The following EXOC6B variants were observed in gnomAD, a reference collection of about 807,000 sequenced individuals.
EXOC6B encodes the protein exocyst complex component 6B.
A neutral mutation model predicts 113.5 loss-of-function variants in EXOC6B; 54 were observed. That is an observed-to-expected ratio of 0.48 (90% CI 0.38 to 0.60). The LOEUF (loss-of-function observed/expected upper bound fraction) is 0.60. Ranked by LOEUF, EXOC6B falls within the 20% of genes least tolerant of loss-of-function variation. The probability of loss-of-function intolerance (pLI) is 0.00; values close to 1 mark genes in which losing one functional copy is unlikely to be tolerated. For synonymous variants in EXOC6B, 357 were observed against 339.0 expected, an observed-to-expected ratio of 1.05 and a Z score of -0.58; for missense variants, 797 against 977.5, an observed-to-expected ratio of 0.82 and a Z score of 2.46.
intron 18 of EXOC6B, among the ~76,000 whole-genome samples, chr2:72,418,927 A>T (rs1694699380): frequency 6.6e-6 from 1 of 151,814 alleles, no homozygotes; most frequent in Non-Finnish European, 1.5e-5. Flanking sequence ...TGATTAGTTA[A>T]TTTTTTTGTA....
chr2:72,280,439 TA>T (rs1685064488), intron 20 of EXOC6B, among the ~76,000 whole-genome samples: 1 of 152,170 alleles, frequency 6.6e-6, no homozygotes, highest in South Asian at 2.1e-4. Context: ...TATAAAAGTT[TA>T]AAATGTTAAC....
rs1677919107 is a variant in EXOC6B, at chr2:72,179,076, TACC to T, written c.*256_*258del. On this transcript the variant is annotated 3_prime_UTR_variant, in exon 22 of 22. Coordinates refer to ENST00000272427, the MANE Select transcript of EXOC6B (RefSeq NM_015189.3). Reference sequence around the variant, plus strand: ...TGGTTCATCACTGTGGAATTGATGATACCACCATCTCTAAGATAACACAGATAG... The same window carrying T: ...TGGTTCATCACTGTGGAATTGATGATACCATCTCTAAGATAACACAGATAG... 2.5e-6 allele frequency: 1 copy of T among 404,898 alleles called. No homozygotes were observed. Among genetic ancestry groups the T allele is most frequent in the Non-Finnish European group, 4.3e-6 (1 of 230,242 alleles). 25.1% of individuals were successfully genotyped at this position (404,898 alleles called of 1,614,324 possible).
intron 16 of EXOC6B, among the ~76,000 whole-genome samples, chr2:72,484,178 T>G (rs536181514): frequency 6.6e-6 from 1 of 150,930 alleles, no homozygotes; most frequent in African/African-American, 2.4e-5. Context: ...TAAGTTCCAG[T>G]ATACATGTGC....
chr2:72,498,838 C>A (rs1413704148), intron 12 of EXOC6B, among the ~76,000 whole-genome samples: 3 of 152,068 alleles, frequency 2.0e-5, no homozygotes, highest in Admixed American at 6.6e-5. Flanking sequence ...CTCCCTACAT[C>A]CCTTCCTATA....
At chr2:72,789,787 G>T (rs1452934452) in intron 1 of EXOC6B, among the ~76,000 whole-genome samples, 1 of 152,078 alleles carries the variant, frequency 6.6e-6, no homozygotes, top group African/African-American at 2.4e-5. Flanking sequence ...ATTAATTATT[G>T]AATCTAGGTG....
Position 72,274,373 on chromosome 2 carries a change from G to A in EXOC6B, c.2196+60574C>T, listed in dbSNP as rs1016223755. ...GATTCTAGTCCATTTCTAAGCTTGT[G>A]CATTTGATTGAGATAAAATACACTG... is the stretch of plus-strand genomic sequence containing the variant. On this transcript the variant is annotated intron_variant, in intron 20 of 21. Transcript: ENST00000272427. Among the ~76,000 whole-genome samples the A allele has an allele frequency of 2.6e-5, 4 of 152,138 alleles. No individual in the cohort carries two copies. The South Asian group carries it at 8.3e-4, about 32-fold the overall frequency.
intron 6 of EXOC6B, among the ~76,000 whole-genome samples, chr2:72,579,447 G>A (rs114047654): frequency 0.021 from 3,245 of 152,164 alleles, 36 homozygotes; most frequent in Non-Finnish European, 0.031. Flanking sequence ...ATTATATAAA[G>A]GCAACAGGTA....
intron 19 of EXOC6B, among the ~76,000 whole-genome samples, chr2:72,353,679 G>T (rs1689800743): frequency 1.3e-5 from 2 of 151,524 alleles, no homozygotes; most frequent in African/African-American, 4.9e-5. Context: ...CAGGTGTAAT[G>T]AAAACTTTAA....
At chr2:72,195,884 C>A (rs1285741821) in intron 20 of EXOC6B, among the ~76,000 whole-genome samples, 1 of 152,040 alleles carries the variant, frequency 6.6e-6, no homozygotes. Flanking sequence ...ATTTACTTAA[C>A]CTGAGTACAT....
At chr2:72,500,231 T>C (rs1316010321) in intron 11 of EXOC6B, among the ~76,000 whole-genome samples, 1 of 152,144 alleles carries the variant, frequency 6.6e-6, no homozygotes, top group Admixed American at 6.5e-5. Flanking sequence ...AAATAACTCT[T>C]TGGTTAAAGA....
At chr2:72,643,600 C>T (rs1266130129) in intron 6 of EXOC6B, among the ~76,000 whole-genome samples, 2 of 120,984 alleles carry the variant, frequency 1.7e-5, no homozygotes, top group East Asian at 2.5e-4. Context: ...ACATCACACT[C>T]TGGGGACTGT....
intron 20 of EXOC6B, among the ~76,000 whole-genome samples, chr2:72,309,529 C>T (rs1197291055): frequency 6.6e-6 from 1 of 152,138 alleles, no homozygotes; most frequent in Non-Finnish European, 1.5e-5. Flanking sequence ...ATTACCCATG[C>T]TTATTCCAAT....
intron 8 of EXOC6B, chr2:72,515,751 G>A: frequency 1.0e-6 from 1 of 985,154 alleles, no homozygotes; most frequent in Non-Finnish European, 1.2e-6. Context: ...GTACTGGGTT[G>A]AATAGTGGTT....
chr2:72,551,763 T>C (rs1407307075), intron 8 of EXOC6B, among the ~76,000 whole-genome samples: 1 of 152,196 alleles, frequency 6.6e-6, no homozygotes, highest in Non-Finnish European at 1.5e-5. Flanking sequence ...CCCAAAGTGC[T>C]GGGATTACAG....
chr2:72,316,035 G>T (rs1469968887), intron 20 of EXOC6B, among the ~76,000 whole-genome samples: 2 of 152,142 alleles, frequency 1.3e-5, no homozygotes, highest in African/African-American at 4.8e-5. Context: ...TGAATTGGTT[G>T]TAGAGTTTGG....
rs1195320854 is a variant in EXOC6B at position 72,559,509 on chromosome 2, G to A, written c.859C>T (p.Gln287Ter). The A allele has an allele frequency of 1.2e-6, 2 of 1,612,238 alleles. No individual in the cohort carries two copies. The highest frequency in any genetic ancestry group is 1.7e-6 in the Non-Finnish European group (2 of 1,179,184). Residue 287 changes from glutamine to a stop codon, truncating the protein, a stop_gained, in exon 8 of 22, where the codon CAA (glutamine) becomes TAA (stop). Coordinates refer to ENST00000272427, the MANE Select transcript of EXOC6B (RefSeq NM_015189.3). LOFTEE classifies it high-confidence loss of function. The part of the protein sequence containing the change: ...EEDDEEVPGA[Q>*]DLVDFSPVYR... ...ACTGGAGAGAAATCCACCAAATCTT[G>A]GGCCCCAGGTACCTGCAAACACAAG...
At chr2:72,644,856 G>C (rs940532837) in intron 6 of EXOC6B, among the ~76,000 whole-genome samples, 9 of 152,204 alleles carry the variant, frequency 5.9e-5, no homozygotes, top group Admixed American at 5.9e-4. Context: ...AAAGAACATC[G>C]ATGCTAGGAA....
At chr2:72,397,236 T>C (rs551167737) in intron 18 of EXOC6B, among the ~76,000 whole-genome samples, 1 of 152,232 alleles carries the variant, frequency 6.6e-6, no homozygotes, top group Non-Finnish European at 1.5e-5. Flanking sequence ...CTTGGAACCT[T>C]GAGGAAATGG....
chr2:72,591,148 T>A (rs1705930024), intron 6 of EXOC6B, among the ~76,000 whole-genome samples: 1 of 152,096 alleles, frequency 6.6e-6, no homozygotes, highest in African/African-American at 2.4e-5. Context: ...TCAGAGTTAA[T>A]CAAAATGAAG....
Sources: gnomAD v4.1 joint callset for allele counts (sites outside exome capture counted in the v4.1 genomes callset) on GRCh38, gnomAD v4.1.1 for gene constraint, MANE v1.5 for transcripts, NCBI Gene and HGNC (gene_info 2026-07-23, HGNC 2026-07-21) for gene names.